The following SF3A3 variants were observed in gnomAD, a reference collection of about 807,000 sequenced individuals.
SF3A3 encodes the protein SAP 61.
Under a neutral mutation model 85.8 loss-of-function variants are expected in SF3A3, and 9 were observed. The ratio of observed to expected loss-of-function variants is 0.10; its 90% CI spans 0.06 to 0.18. The LOEUF is 0.18. Ranked by LOEUF, SF3A3 falls within the 10% of genes least tolerant of loss-of-function variation. SF3A3 has a pLI of 1.00. For missense variants in SF3A3, 306 were observed against 593.3 expected, an observed-to-expected ratio of 0.52 and a Z score of 5.03; for synonymous variants, 195 against 204.4, an observed-to-expected ratio of 0.95 and a Z score of 0.39.
Position 37,978,777 on chromosome 1 carries a change from A to G in SF3A3, c.878T>C (p.Leu293Pro). 1 of 1,573,040 alleles carries G rather than the reference A, an allele frequency of 6.4e-7. No homozygotes were observed. Among genetic ancestry groups the G allele is most frequent in the Non-Finnish European group, 8.6e-7 (1 of 1,157,458 alleles). Residue 293 changes from leucine to proline, a missense_variant, in exon 11 of 17, where the codon CTG (leucine) becomes CCG (proline). Physicochemically the swap from Leu to Pro is moderately conservative, Grantham distance 98. Transcript: ENST00000373019. ...QRLFSTKGKS[L>P]ESLDTSLFAK... ...AAACAAAGAGGTATCAAGTGACTCC[A>G]GGGACTTTCCTTTGGTACTGAATAG...
chr1:37,958,142 G>A lies in SF3A3; in HGVS notation c.*44C>T, dbSNP rs748596009. On this transcript the variant is annotated 3_prime_UTR_variant, in exon 17 of 17. Transcript: ENST00000373019. ...GGAGAAATAGAAAAAGCAGATCTTA[G>A]GGAAGCCTGGGCTAGCCCAAAAGCT... 7.8e-7 allele frequency: 1 copy of A among 1,290,282 alleles called. No individual in the cohort carries two copies. Among genetic ancestry groups the A allele is most frequent in the Middle Eastern group, 2.2e-4 (1 of 4,558 alleles). 79.9% of individuals were successfully genotyped at this position (1,290,282 alleles called of 1,614,324 possible). A position where few individuals can be genotyped will look rare whatever the true frequency, so the allele number is the denominator to read the frequency against.
chr1:37,979,537 G>C lies in SF3A3; in HGVS notation c.691-4C>G. On this transcript the variant is annotated splice_region_variant and splice_polypyrimidine_tract_variant and intron_variant, in intron 8 of 16. Coordinates refer to ENST00000373019, the MANE Select transcript of SF3A3 (RefSeq NM_006802.4). ...TCAGGGCACTGCTTGTCTCTTTCTG[G>C]AAAGAACAATATGGTATTTATTAAG... 6.2e-7 allele frequency: 1 copy of C among 1,610,010 alleles called. No homozygotes were observed. Among genetic ancestry groups the C allele is most frequent in the South Asian group, 1.1e-5 (1 of 90,940 alleles).
intron 11 of SF3A3, among the ~76,000 whole-genome samples, chr1:37,977,220 T>C (rs905330883): frequency 6.6e-6 from 1 of 152,208 alleles, no homozygotes; most frequent in Non-Finnish European, 1.5e-5. Context: ...CATTATAATC[T>C]ACAAAGGAAA....
chr1:37,969,213 G>T lies in SF3A3; in HGVS notation c.1281+141C>A, dbSNP rs190175911. The T allele has an allele frequency of 4.7e-6, 3 of 640,786 alleles. No homozygotes were observed. The South Asian group carries it at 5.9e-5, about 13-fold the overall frequency. The allele number at this position is 640,786 out of a possible 1,614,324, so 39.7% of individuals were successfully genotyped here. A position where few individuals can be genotyped will look rare whatever the true frequency, so the allele number is the denominator to read the frequency against. On this transcript the variant is annotated intron_variant, in intron 14 of 16. Coordinates refer to ENST00000373019, the MANE Select transcript of SF3A3 (RefSeq NM_006802.4). ...ATTGGTGCCAAAAGTCAAATGCCATGGGCTTGATTTTAAAACCATCCTTCT... is the reference window on the plus strand; with the variant it reads ...ATTGGTGCCAAAAGTCAAATGCCATTGGCTTGATTTTAAAACCATCCTTCT...
chr1:37,979,250 A>G (rs896801812), intron 9 of SF3A3, 195 bp from the exon 10 acceptor site: 1 of 624,104 alleles, frequency 1.6e-6, no homozygotes, highest in Non-Finnish European at 2.9e-6. Flanking sequence ...ATAGTGTTCC[A>G]TTTACTTTAC....
At chr1:37,987,869 G>A in intron 2 of SF3A3, 33 bp from the exon 3 acceptor site, 1 of 1,575,720 alleles carries the variant, frequency 6.3e-7, no homozygotes, top group Non-Finnish European at 8.7e-7. Context: ...TCAGAATGAT[G>A]CAATTTGCAC....
At chr1:37,960,389 G>A (rs1388512942) in intron 15 of SF3A3, 4 of 507,144 alleles carry the variant, frequency 7.9e-6, no homozygotes, top group South Asian at 6.8e-5. Context: ...TGCTATAAAA[G>A]TTGGATCAAA....
In SF3A3 at chr1:37,967,677, C is replaced by CAAAAAAAA. The variant is rs34369006; in HGVS notation, c.1372+359_1372+366dup. 9.0e-4 allele frequency among the ~76,000 whole-genome samples: 40 copies of CAAAAAAAA among 44,274 alleles called. 2 individuals are homozygous for CAAAAAAAA. Among genetic ancestry groups the CAAAAAAAA allele is most frequent in the Non-Finnish European group, 1.3e-3 (36 of 26,800 alleles). The allele number at this position is 44,274 out of a possible 152,430, so 29.0% of individuals were successfully genotyped here. ...TGGGCGACAGAGTGAGACTCCGTCA[C>CAAAAAAAA]AAAAAAAAAAAAAAAAAAAAAAAAA... On this transcript the variant is annotated intron_variant, in intron 15 of 16. Transcript: ENST00000373019.
chr1:37,980,215 G>A (rs1462058477), intron 8 of SF3A3, among the ~76,000 whole-genome samples: 7 of 152,054 alleles, frequency 4.6e-5, no homozygotes, highest in Non-Finnish European at 1.0e-4. Flanking sequence ...ACCTGAGGTC[G>A]GGAATTTGAG....
At chr1:37,960,407 A>C in intron 15 of SF3A3, 1 of 490,534 alleles carries the variant, frequency 2.0e-6, no homozygotes, top group South Asian at 3.8e-5. Flanking sequence ...AAATATAACC[A>C]AAGACCTCCG....
At chr1:37,960,300 T>A in intron 15 of SF3A3, 125 bp from the exon 16 acceptor site, 1 of 833,250 alleles carries the variant, frequency 1.2e-6, no homozygotes, top group Non-Finnish European at 2.0e-6. Flanking sequence ...GATTCTTGCC[T>A]ACCCCAAACC....
intron 11 of SF3A3, among the ~76,000 whole-genome samples, chr1:37,977,466 G>A (rs933844675): frequency 6.6e-6 from 1 of 152,160 alleles, no homozygotes; most frequent in African/African-American, 2.4e-5. Context: ...ATTTTGGGAG[G>A]CTGAGGCTGG....
At position 37,957,387 on chromosome 1, in the gene SF3A3, C is replaced by CG. The variant is rs1461904699; in HGVS notation, c.*798_*799insC. 118 of 121,354 alleles carry CG rather than the reference C, an allele frequency of 9.7e-4. 4 individuals carry two copies. Among genetic ancestry groups the CG allele is most frequent in the East Asian group, 3.7e-3 (14 of 3,778 alleles). The allele number at this position is 121,354 out of a possible 1,614,324, so 7.5% of individuals were successfully genotyped here. A position where few individuals can be genotyped will look rare whatever the true frequency, so the allele number is the denominator to read the frequency against. ...AACACAGCCCAACTCCCCCCCCCCC[C>CG]CCTTTTTTTTTTTTTGAGATGGGGC... On this transcript the variant is annotated 3_prime_UTR_variant, in exon 17 of 17. Transcript: ENST00000373019.
rs1180374839 is a variant in SF3A3, at chr1:37,990,019, T to C, written c.-54A>G. 3 of 1,372,362 alleles carry C rather than the reference T, an allele frequency of 2.2e-6. No individual in the cohort carries two copies. The highest frequency in any genetic ancestry group is 2.3e-5 in the East Asian group (1 of 43,754). The allele number at this position is 1,372,362 out of a possible 1,614,324, so 85.0% of individuals were successfully genotyped here. On this transcript the variant is annotated 5_prime_UTR_variant, in exon 1 of 17. Coordinates refer to ENST00000373019, the MANE Select transcript of SF3A3 (RefSeq NM_006802.4). ...GACCACCAACACGGCCGGAAGCAAC[T>C]CCTGCCGCCCAGCGCGCCTGAGTCC... is the stretch of plus-strand genomic sequence containing the variant.
rs565991314 is a variant in SF3A3, at chr1:37,956,981, T to A, written c.*1205A>T. 1.6e-4 allele frequency: 24 copies of A among 152,346 alleles called. No homozygotes were observed. Among genetic ancestry groups the A allele is most frequent in the Admixed American group, 1.2e-3 (18 of 15,294 alleles). 9.4% of individuals were successfully genotyped at this position (152,346 alleles called of 1,614,324 possible). A position where few individuals can be genotyped will look rare whatever the true frequency, so the allele number is the denominator to read the frequency against. On this transcript the variant is annotated 3_prime_UTR_variant, in exon 17 of 17. Coordinates refer to ENST00000373019, the MANE Select transcript of SF3A3 (RefSeq NM_006802.4). ...ATAAAGAAAAAGATTAACATTTTTT[T>A]AAAAAGTAGATTTATTAAAAAACAG...
At chr1:37,980,936 G>A (rs571497107) in intron 7 of SF3A3, 52 of 296,018 alleles carry the variant, frequency 1.8e-4, no homozygotes, top group Admixed American at 2.6e-4. Flanking sequence ...CACAACCTCC[G>A]CCTCCCGGGT....
At chr1:37,980,166 T>C (rs1019678349) in intron 8 of SF3A3, among the ~76,000 whole-genome samples, 2 of 152,122 alleles carry the variant, frequency 1.3e-5, no homozygotes, top group African/African-American at 2.4e-5. Context: ...GGCTCACACC[T>C]GTAATCCCAG....
intron 4 of SF3A3, 74 bp from the exon 5 acceptor site, chr1:37,984,853 G>A (rs1646444310): frequency 8.0e-7 from 1 of 1,244,486 alleles, no homozygotes; most frequent in Admixed American, 1.7e-5. Context: ...TGTGGCCCAG[G>A]CTGGAGTGCA....
At chr1:37,969,771 G>A (rs753848996) in intron 12 of SF3A3, 36 bp from the exon 13 acceptor site, 2 of 1,605,778 alleles carry the variant, frequency 1.2e-6, no homozygotes, top group Non-Finnish European at 1.7e-6. Flanking sequence ...TCAGAAAAAA[G>A]TAGTGCAGAA....
Sources: gnomAD v4.1 joint callset for allele counts (sites outside exome capture counted in the v4.1 genomes callset) on GRCh38, gnomAD v4.1.1 for gene constraint, MANE v1.5 for transcripts, NCBI Gene and HGNC (gene_info 2026-07-23, HGNC 2026-07-21) for gene names.